ANKRD6: variants seen among roughly 807,000 people sequenced by gnomAD.
ANKRD6 encodes ankyrin repeat domain 6, also known as ankyrin repeat domain-containing protein 6.
ANKRD6 carries 56 observed loss-of-function variants against 82.3 expected under a neutral mutation model. The observed-to-expected ratio is 0.68, with a 90% CI of 0.55 to 0.85. The LOEUF (loss-of-function observed/expected upper bound fraction) is 0.85. Ranked by LOEUF, ANKRD6 falls within the 40% of genes least tolerant of loss-of-function variation. The pLI, the probability that ANKRD6 is intolerant of heterozygous loss-of-function variation, is 0.00. For synonymous variants in ANKRD6, 347 were observed against 352.1 expected, an observed-to-expected ratio of 0.99 and a Z score of 0.16; for missense variants, 852 against 907.6, an observed-to-expected ratio of 0.94 and a Z score of 0.79.
At chr6:89,538,039 T>C (rs1367382870) in intron 1 of ANKRD6, among the ~76,000 whole-genome samples, 1 of 152,176 alleles carries the variant, frequency 6.6e-6, no homozygotes, top group Non-Finnish European at 1.5e-5. Context: ...CTAAATGCAC[T>C]CTTCTAAAAA....
At chr6:89,588,575 T>C (rs974796399) in intron 2 of ANKRD6, among the ~76,000 whole-genome samples, 2 of 152,166 alleles carry the variant, frequency 1.3e-5, no homozygotes, top group Non-Finnish European at 2.9e-5. Context: ...CCAGTAGAGA[T>C]GGTTAAATTG....
chr6:89,600,749 C>T (rs1050987270), intron 3 of ANKRD6, among the ~76,000 whole-genome samples: 1 of 152,050 alleles, frequency 6.6e-6, no homozygotes, highest in South Asian at 2.1e-4. Flanking sequence ...AAAGTTGAGA[C>T]GTGGGGCCAG....
At chr6:89,530,591 C>A (rs1319681642) in intron 1 of ANKRD6, among the ~76,000 whole-genome samples, 1 of 152,140 alleles carries the variant, frequency 6.6e-6, no homozygotes, top group African/African-American at 2.4e-5. Flanking sequence ...GAGAGGGAGA[C>A]AGACCATCAA....
chr6:89,584,188 C>T (rs763048920), intron 2 of ANKRD6, among the ~76,000 whole-genome samples: 19 of 152,248 alleles, frequency 1.2e-4, no homozygotes, highest in Admixed American at 2.0e-4. Flanking sequence ...GAACAAAATG[C>T]GTTGGAGGAT....
At chr6:89,451,272 G>T (rs749080486) in intron 1 of ANKRD6, among the ~76,000 whole-genome samples, 1 of 152,188 alleles carries the variant, frequency 6.6e-6, no homozygotes, top group Non-Finnish European at 1.5e-5. Flanking sequence ...TCACGCCACT[G>T]CACTGCAGCC....
At chr6:89,478,223 G>C (rs778936944) in intron 1 of ANKRD6, 1 of 152,066 alleles carries the variant, frequency 6.6e-6, no homozygotes, top group South Asian at 2.1e-4. Flanking sequence ...GGGGTTCTGG[G>C]CAGTAGTGTG....
intron 1 of ANKRD6, among the ~76,000 whole-genome samples, chr6:89,489,882 G>A (rs1777818607): frequency 6.6e-6 from 1 of 152,164 alleles, no homozygotes; most frequent in South Asian, 2.1e-4. Flanking sequence ...ACTTGGGGTG[G>A]ACTTCAGCAA....
chr6:89,513,382 C>T (rs1562687518), intron 1 of ANKRD6, among the ~76,000 whole-genome samples: 1 of 152,190 alleles, frequency 6.6e-6, no homozygotes, highest in Non-Finnish European at 1.5e-5. Flanking sequence ...AATCCTTAAC[C>T]TGCTTTCCCC....
intron 1 of ANKRD6, among the ~76,000 whole-genome samples, chr6:89,481,380 G>A (rs1776785464): frequency 6.6e-6 from 1 of 152,124 alleles, no homozygotes; most frequent in Admixed American, 6.5e-5. Flanking sequence ...CAAAGGAAAT[G>A]CTTATTGGAG....
chr6:89,610,319 C>T (rs907381887), intron 5 of ANKRD6, among the ~76,000 whole-genome samples: 1 of 152,132 alleles, frequency 6.6e-6, no homozygotes, highest in African/African-American at 2.4e-5. Flanking sequence ...TTTGCTTGTT[C>T]ATAAAGGTCA....
At chr6:89,454,725 T>C (rs1562536864) in intron 1 of ANKRD6, among the ~76,000 whole-genome samples, 1 of 152,260 alleles carries the variant, frequency 6.6e-6, no homozygotes, top group Non-Finnish European at 1.5e-5. Context: ...GAAGACTACC[T>C]GCATGATTCT....
intron 1 of ANKRD6, among the ~76,000 whole-genome samples, chr6:89,489,370 T>C (rs1489035286): frequency 3.3e-5 from 5 of 152,198 alleles, no homozygotes; most frequent in Non-Finnish European, 7.3e-5. Flanking sequence ...TTTTTCATTA[T>C]TAAGGATGCC....
At chr6:89,619,385 C>T (rs898620242) in intron 9 of ANKRD6, among the ~76,000 whole-genome samples, 8 of 152,124 alleles carry the variant, frequency 5.3e-5, no homozygotes, top group African/African-American at 1.7e-4. Context: ...GACAGCCAGC[C>T]CCACCCTCAG....
chr6:89,543,695 TCAGA>T (rs1420046352), intron 1 of ANKRD6, among the ~76,000 whole-genome samples: 1 of 152,192 alleles, frequency 6.6e-6, no homozygotes, highest in Non-Finnish European at 1.5e-5. Flanking sequence ...TGTCCTCTCC[TCAGA>T]CAGTAGACTC....
At chr6:89,493,497 C>T (rs1282224561) in intron 1 of ANKRD6, among the ~76,000 whole-genome samples, 3 of 152,098 alleles carry the variant, frequency 2.0e-5, no homozygotes, top group Non-Finnish European at 4.4e-5. Context: ...GCAGCCTTGA[C>T]CTCCTGGGCT....
At chr6:89,463,811 A>G (rs933889523) in intron 1 of ANKRD6, among the ~76,000 whole-genome samples, 2 of 152,114 alleles carry the variant, frequency 1.3e-5, no homozygotes, top group African/African-American at 4.8e-5. Context: ...TTGGCCTCCC[A>G]AAGTGCTGGG....
At chr6:89,548,079 A>G (rs529075527) in intron 1 of ANKRD6, among the ~76,000 whole-genome samples, 1 of 152,224 alleles carries the variant, frequency 6.6e-6, no homozygotes, top group Non-Finnish European at 1.5e-5. Context: ...TACCCTTTTA[A>G]AAGTGTACAA....
At chr6:89,535,857 T>C (rs1392217091) in intron 1 of ANKRD6, among the ~76,000 whole-genome samples, 1 of 152,206 alleles carries the variant, frequency 6.6e-6, no homozygotes, top group East Asian at 1.9e-4. Flanking sequence ...CCCAAGTACA[T>C]GGTCTCTTGT....
At chr6:89,590,211 G>A (rs551037318) in intron 2 of ANKRD6, among the ~76,000 whole-genome samples, 1 of 152,300 alleles carries the variant, frequency 6.6e-6, no homozygotes, top group Middle Eastern at 3.4e-3. Flanking sequence ...TATATTGATA[G>A]GCTGATGAGA....
Sources: allele counts gnomAD v4.1 joint callset (sites outside exome capture counted in the v4.1 genomes callset), GRCh38; gene constraint gnomAD v4.1.1; transcripts MANE v1.5; gene names NCBI Gene and HGNC (gene_info 2026-07-23, HGNC 2026-07-21).